NSMAF: variants seen among roughly 807,000 people sequenced by gnomAD.
NSMAF encodes the protein protein FAN.
In NSMAF, 90 loss-of-function variants were observed where a neutral mutation model predicts 134.9. That is an observed-to-expected ratio of 0.67 (90% confidence interval 0.56 to 0.79). The LOEUF (loss-of-function observed/expected upper bound fraction) is 0.79. NSMAF is among the 30% of genes least tolerant of loss of function. NSMAF has a pLI of 0.00. For missense variants in NSMAF, 1,010 were observed against 1,119.0 expected (o/e 0.90, Z 1.39); for synonymous variants, 358 against 389.6 (o/e 0.92, Z 0.96).
chr8:58,639,842 A>G (rs1272126009), intron 2 of NSMAF: 1 of 233,580 alleles, frequency 4.3e-6, no homozygotes, highest in African/African-American at 2.3e-5. Context: ...ACTTGTGGCC[A>G]TGTGGATGGA....
At chr8:58,588,819 C>T (rs1805955691) in intron 26 of NSMAF, 1 of 827,252 alleles carries the variant, frequency 1.2e-6, no homozygotes, top group African/African-American at 1.7e-5. Context: ...TAACTATAAT[C>T]AACTAATATT....
chr8:58,583,738 A>G lies in NSMAF; in HGVS notation c.*368T>C. ...AACAGATTCAGAAGTAGCAGAGAATACTGCACATTTTCTTGGAAAATTTCT... is the reference window on the plus strand; with the variant it reads ...AACAGATTCAGAAGTAGCAGAGAATGCTGCACATTTTCTTGGAAAATTTCT... On this transcript the variant is annotated 3_prime_UTR_variant, in exon 31 of 31. Coordinates refer to ENST00000038176, the MANE Select transcript of NSMAF (RefSeq NM_003580.4). 1 of 260,244 alleles carries G rather than the reference A, an allele frequency of 3.8e-6. No individual in the cohort carries two copies. The highest frequency in any genetic ancestry group is 7.4e-6 in the Non-Finnish European group (1 of 134,378). The allele number at this position is 260,244 out of a possible 1,614,324, so 16.1% of individuals were successfully genotyped here. A position where few individuals can be genotyped will look rare whatever the true frequency, so the allele number is the denominator to read the frequency against.
At chr8:58,599,151 T>C in intron 19 of NSMAF, 81 bp downstream of exon 19, 1 of 1,400,164 alleles carries the variant, frequency 7.1e-7, no homozygotes, top group East Asian at 2.4e-5. Context: ...GTTGGTATTG[T>C]TTGCTTTCAT....
At chr8:58,656,936 T>C (rs916268296) in intron 1 of NSMAF, among the ~76,000 whole-genome samples, 1 of 152,212 alleles carries the variant, frequency 6.6e-6, no homozygotes. Context: ...ATACCAAATA[T>C]TGCATATACT....
Position 58,585,967 on chromosome 8 carries a change from C to G in NSMAF, c.2480G>C (p.Gly827Ala), listed in dbSNP as rs1585721965. ...CTGCACATCAATGACATTAAGACAG[C>G]CATCTGTTCCTGTGCTGAGGACATG... ...SRHVLSTGTD[G>A]CLNVIDVQTG... The change falls in exon 29 of 31, where the codon GGC becomes GCC. Residue 827 changes from glycine to alanine, a missense_variant. Physicochemically the swap from Gly to Ala is moderately conservative, Grantham distance 60. Transcript: ENST00000038176. 1.2e-6 allele frequency: 2 copies of G among 1,613,984 alleles called. No homozygotes were observed. Among genetic ancestry groups the G allele is most frequent in the Non-Finnish European group, 1.7e-6 (2 of 1,179,990 alleles).
chr8:58,635,720 T>C (rs1368684379), intron 2 of NSMAF, among the ~76,000 whole-genome samples, 174 bp from the exon 3 acceptor site: 1 of 152,186 alleles, frequency 6.6e-6, no homozygotes, highest in Non-Finnish European at 1.5e-5. Flanking sequence ...AAACACAGAA[T>C]AGTGGTTCAT....
At chr8:58,636,107 A>G (rs1807168142) in intron 2 of NSMAF, among the ~76,000 whole-genome samples, 1 of 152,170 alleles carries the variant, frequency 6.6e-6, no homozygotes, top group Admixed American at 6.5e-5. Flanking sequence ...TTACTTTTCT[A>G]ATACCCAAAA....
intron 1 of NSMAF, among the ~76,000 whole-genome samples, chr8:58,645,664 C>T (rs1391152869): frequency 6.6e-6 from 1 of 152,024 alleles, no homozygotes. Context: ...ATGCAGAGAA[C>T]AGAAGAAAAG....
chr8:58,599,499 A>G (rs1806224366), intron 18 of NSMAF, 136 bp from the exon 19 acceptor site: 15 of 1,088,742 alleles, frequency 1.4e-5, no homozygotes, highest in Non-Finnish European at 1.8e-5. Context: ...TTCTTTTTCT[A>G]TCATATGAAA....
At chr8:58,623,531 A>T (rs1342319776) in intron 7 of NSMAF, 107 bp from the exon 8 acceptor site, 1 of 1,197,576 alleles carries the variant, frequency 8.4e-7, no homozygotes, top group East Asian at 2.3e-5. Flanking sequence ...AGTCAAGATT[A>T]CTTCTGATAT....
At chr8:58,654,089 A>G (rs1488249565) in intron 1 of NSMAF, among the ~76,000 whole-genome samples, 2 of 152,200 alleles carry the variant, frequency 1.3e-5, no homozygotes, top group African/African-American at 4.8e-5. Flanking sequence ...CTTGGGACCT[A>G]TCGGCATTCC....
chr8:58,648,071 C>G (rs1330283208), intron 1 of NSMAF, among the ~76,000 whole-genome samples: 4 of 152,156 alleles, frequency 2.6e-5, no homozygotes, highest in African/African-American at 9.7e-5. Context: ...GAAGGTCAGG[C>G]TGACACGGTC....
At position 58,623,401 on chromosome 8, in the gene NSMAF, G is replaced by A; in HGVS notation, c.480C>T (p.Asp160=). Reference sequence around the variant, plus strand: ...CCATGGCGGTTTGGTCACCCAATTTGTCAAGGCAGGATGCTCTGTGAAGCT... The same window carrying A: ...CCATGGCGGTTTGGTCACCCAATTTATCAAGGCAGGATGCTCTGTGAAGCT... ...LLQLHRASCL[D]KLGDQTAMIT... Residue 160 remains aspartate (D), a synonymous_variant, in exon 8 of 31, where the codon GAC becomes GAT. Coordinates refer to ENST00000038176, the MANE Select transcript of NSMAF (RefSeq NM_003580.4). 1 of 1,614,056 alleles carries A rather than the reference G, an allele frequency of 6.2e-7. No individual in the cohort carries two copies. Among genetic ancestry groups the A allele is most frequent in the African/African-American group, 1.3e-5 (1 of 75,070 alleles).
Position 58,603,334 on chromosome 8 carries a change from A to C in NSMAF, c.921T>G (p.Arg307=), listed in dbSNP as rs1585735274. ...TAESYMLQWQ[R]GHLSNYQYLL... ...GGTACTGATAGTTGGAAAGGTGTCC[A>C]CGCTGCCACTGCAGCATGTAGCTCT... Residue 307 remains arginine, a synonymous_variant, in exon 13 of 31, where the codon CGT becomes CGG. Transcript: ENST00000038176. 1.9e-6 allele frequency: 3 copies of C among 1,614,160 alleles called. No individual in the cohort carries two copies. The highest frequency in any genetic ancestry group is 2.5e-6 in the Non-Finnish European group (3 of 1,180,024).
At chr8:58,654,927 C>T (rs1232711237) in intron 1 of NSMAF, among the ~76,000 whole-genome samples, 1 of 152,118 alleles carries the variant, frequency 6.6e-6, no homozygotes, top group East Asian at 1.9e-4. Context: ...CTCTGCCTCC[C>T]AAGTTCAAGC....
intron 9 of NSMAF, among the ~76,000 whole-genome samples, chr8:58,616,218 C>T (rs973589925): frequency 1.3e-5 from 2 of 152,040 alleles, no homozygotes; most frequent in African/African-American, 4.8e-5. Flanking sequence ...TAACAACAAT[C>T]CTACACAAAC....
chr8:58,647,985 G>C (rs1480980798), intron 1 of NSMAF, among the ~76,000 whole-genome samples: 2 of 152,218 alleles, frequency 1.3e-5, no homozygotes, highest in Non-Finnish European at 2.9e-5. Flanking sequence ...AGACCAGGAA[G>C]ACAAGGGAAA....
Position 58,584,102 on chromosome 8 carries a change from G to C in NSMAF, c.*4C>G, listed in dbSNP as rs1389346950. The C allele has an allele frequency of 1.9e-6, 3 of 1,601,802 alleles. No homozygotes were observed. The highest frequency in any genetic ancestry group is 1.7e-4 in the Middle Eastern group (1 of 6,036). ...AATTTAATATTCAGGAGAGGAAAAG[G>C]CACTTAATACTGCAATTTCCAGAAT... On this transcript the variant is annotated 3_prime_UTR_variant, in exon 31 of 31. Coordinates refer to ENST00000038176, the MANE Select transcript of NSMAF (RefSeq NM_003580.4).
rs562621112 is a variant in NSMAF at position 58,595,233 on chromosome 8, C to T, written c.1892+327G>A. Among the ~76,000 whole-genome samples the T allele has an allele frequency of 4.6e-5, 7 of 152,314 alleles. No individual in the cohort carries two copies. The East Asian group carries it at 1.4e-3, about 29-fold the overall frequency. ...CTCGTGGGGTATACATCACACTTCT[C>T]CCATCAAAGATTCAAGGAGCTGTGT... is the stretch of plus-strand genomic sequence containing the variant. On this transcript the variant is annotated intron_variant, in intron 22 of 30. Coordinates refer to ENST00000038176, the MANE Select transcript of NSMAF (RefSeq NM_003580.4).
Sources: gnomAD v4.1 joint callset for allele counts (sites outside exome capture counted in the v4.1 genomes callset) on GRCh38, gnomAD v4.1.1 for gene constraint, MANE v1.5 for transcripts, NCBI Gene and HGNC (gene_info 2026-07-23, HGNC 2026-07-21) for gene names.